Variants in CSMD1 observed in about 807,000 individuals in gnomAD.
The protein encoded by CSMD1 is CUB and sushi domain-containing protein 1.
Under a neutral mutation model 417.5 loss-of-function variants are expected in CSMD1, and 213 were observed. That is an observed-to-expected ratio of 0.51 (90% CI 0.46 to 0.57). The LOEUF is 0.57. Ranked by LOEUF, CSMD1 falls within the 20% of genes least tolerant of loss-of-function variation. The pLI is 0.00. For missense variants in CSMD1, 6,923 were observed against 4,529.7 expected (o/e 1.53, Z -15.17); for synonymous variants, 2,862 against 1,736.8 (o/e 1.65, Z -16.11).
intron 1 of CSMD1, among the ~76,000 whole-genome samples, chr8:4,762,438 A>G (rs1345013464): frequency 7.2e-5 from 11 of 152,106 alleles, no homozygotes; most frequent in Admixed American, 7.2e-4. Flanking sequence ...TCAAACGTGT[A>G]TTTTCTCAAG....
intron 2 of CSMD1, among the ~76,000 whole-genome samples, chr8:4,492,501 T>C (rs949945726): frequency 6.6e-6 from 1 of 152,202 alleles, no homozygotes; most frequent in African/African-American, 2.4e-5. Context: ...GTTGATTTCT[T>C]TTAAACCACA....
chr8:3,790,338 G>C (rs1311709605), intron 5 of CSMD1, among the ~76,000 whole-genome samples: 2 of 152,064 alleles, frequency 1.3e-5, no homozygotes, highest in African/African-American at 4.8e-5. Context: ...TAATGATGGT[G>C]ATGGTGATGA....
chr8:3,969,716 G>A (rs149481222), intron 5 of CSMD1, among the ~76,000 whole-genome samples: 1 of 152,154 alleles, frequency 6.6e-6, no homozygotes, highest in Non-Finnish European at 1.5e-5. Context: ...GGATGATTTT[G>A]ACAATAAAAT....
At chr8:4,023,515 A>G (rs1796892049) in intron 4 of CSMD1, among the ~76,000 whole-genome samples, 1 of 152,042 alleles carries the variant, frequency 6.6e-6, no homozygotes, top group African/African-American at 2.4e-5. Flanking sequence ...AATTACAGGC[A>G]TACGCTTGGC....
intron 7 of CSMD1, among the ~76,000 whole-genome samples, chr8:3,645,275 G>A (rs1001394525): frequency 6.6e-6 from 1 of 152,160 alleles, no homozygotes; most frequent in African/African-American, 2.4e-5. Context: ...CTTGTCTCAG[G>A]AAGCCATAAC....
intron 1 of CSMD1, among the ~76,000 whole-genome samples, chr8:4,933,391 C>T (rs576038759): frequency 1.3e-5 from 2 of 152,304 alleles, no homozygotes; most frequent in South Asian, 4.1e-4. Context: ...TCCTCGCCAT[C>T]TGACCTTATG....
intron 51 of CSMD1, among the ~76,000 whole-genome samples, chr8:3,021,688 C>T (rs1191900900): frequency 8.6e-6 from 1 of 116,538 alleles, no homozygotes; most frequent in Non-Finnish European, 1.9e-5. Context: ...GTCCGGAATG[C>T]ACCTGCAATC....
intron 2 of CSMD1, among the ~76,000 whole-genome samples, chr8:4,544,090 T>C (rs1025278566): frequency 6.6e-6 from 1 of 152,210 alleles, no homozygotes; most frequent in Non-Finnish European, 1.5e-5. Flanking sequence ...TTTATTCTTT[T>C]AACATTGTCT....
chr8:4,580,726 A>T (rs2617068), intron 2 of CSMD1, among the ~76,000 whole-genome samples: 59,095 of 152,044 alleles, frequency 0.39, 11,738 homozygotes, highest in African/African-American at 0.45. Flanking sequence ...TTCCTGATTA[A>T]ATCACCCCAA....
At chr8:4,455,049 C>T (rs565108156) in intron 2 of CSMD1, among the ~76,000 whole-genome samples, 1 of 152,188 alleles carries the variant, frequency 6.6e-6, no homozygotes, top group East Asian at 1.9e-4. Flanking sequence ...CACAATATCA[C>T]CATGTTTAGG....
At chr8:4,021,830 G>A (rs370059995) in intron 4 of CSMD1, among the ~76,000 whole-genome samples, 3 of 152,034 alleles carry the variant, frequency 2.0e-5, no homozygotes, top group Admixed American at 6.6e-5. Context: ...AAGACCCGGG[G>A]CTCTAGTTGG....
At chr8:4,256,499 G>A (rs1007299773) in intron 3 of CSMD1, among the ~76,000 whole-genome samples, 1 of 152,178 alleles carries the variant, frequency 6.6e-6, no homozygotes, top group Non-Finnish European at 1.5e-5. Flanking sequence ...TTCTCAGTGA[G>A]TGTATAAAGA....
At chr8:3,592,231 AT>A (rs1468347204) in intron 8 of CSMD1, among the ~76,000 whole-genome samples, 18 of 152,140 alleles carry the variant, frequency 1.2e-4, no homozygotes, top group African/African-American at 3.9e-4. Flanking sequence ...AGATAGATAC[AT>A]AGATGGATAG....
intron 26 of CSMD1, among the ~76,000 whole-genome samples, chr8:3,240,358 T>C (rs1232920280): frequency 6.6e-6 from 1 of 152,136 alleles, no homozygotes; most frequent in Non-Finnish European, 1.5e-5. Context: ...GTTTATATAA[T>C]GGTTTTGTTA....
At chr8:4,232,102 C>T (rs184286111) in intron 3 of CSMD1, among the ~76,000 whole-genome samples, 2 of 152,190 alleles carry the variant, frequency 1.3e-5, no homozygotes, top group African/African-American at 2.4e-5. Context: ...CACATTCATG[C>T]TTCTGATACT....
intron 5 of CSMD1, among the ~76,000 whole-genome samples, chr8:3,790,512 G>T (rs562216565): frequency 7.9e-5 from 12 of 152,254 alleles, no homozygotes; most frequent in Admixed American, 7.8e-4. Flanking sequence ...AATTATGACG[G>T]TGATAACCGT....
At chr8:4,453,662 C>CT (rs1799288020) in intron 2 of CSMD1, among the ~76,000 whole-genome samples, 2 of 152,058 alleles carry the variant, frequency 1.3e-5, no homozygotes, top group Non-Finnish European at 2.9e-5. Flanking sequence ...CCCCCGACAC[C>CT]TGCAGGTCCC....
intron 5 of CSMD1, among the ~76,000 whole-genome samples, chr8:3,817,344 G>A (rs906804344): frequency 3.0e-5 from 4 of 131,408 alleles, no homozygotes; most frequent in Non-Finnish European, 4.6e-5. Flanking sequence ...ACAGTGGCGG[G>A]ATCTTGGCTC....
At chr8:4,094,582 G>A (rs1450238340) in intron 3 of CSMD1, among the ~76,000 whole-genome samples, 1 of 152,142 alleles carries the variant, frequency 6.6e-6, no homozygotes, top group Non-Finnish European at 1.5e-5. Flanking sequence ...TAGTAATGGA[G>A]CACCGTGCTG....
Sources: gnomAD v4.1 joint callset for allele counts (sites outside exome capture counted in the v4.1 genomes callset) on GRCh38, gnomAD v4.1.1 for gene constraint, MANE v1.5 for transcripts, NCBI Gene and HGNC (gene_info 2026-07-23, HGNC 2026-07-21) for gene names.